FSHR: variants seen among roughly 807,000 people sequenced by gnomAD.
FSHR encodes follicle-stimulating hormone receptor.
FSHR carries 46 observed loss-of-function variants against 52.1 expected under a neutral mutation model. The ratio of observed to expected loss-of-function variants is 0.88; its 90% CI spans 0.70 to 1.13. The LOEUF (loss-of-function observed/expected upper bound fraction) is 1.13. Ranked by LOEUF, FSHR falls within the 50% of genes most tolerant of loss-of-function variation. The pLI, the probability that FSHR is intolerant of heterozygous loss-of-function variation, is 0.00. For missense variants in FSHR, 964 were observed against 834.6 expected (o/e 1.16, Z -1.91); for synonymous variants, 399 against 309.6 (o/e 1.29, Z -3.03).
intron 4 of FSHR, among the ~76,000 whole-genome samples, chr2:48,991,700 T>C (rs910681362): frequency 6.6e-6 from 1 of 152,166 alleles, no homozygotes; most frequent in Non-Finnish European, 1.5e-5. Context: ...GCCAGAACAA[T>C]GGTGAGGGTT....
intron 2 of FSHR, among the ~76,000 whole-genome samples, chr2:49,049,450 A>T (rs1036590172): frequency 6.6e-6 from 1 of 152,160 alleles, no homozygotes; most frequent in South Asian, 2.1e-4. Context: ...TAGTTGCTCA[A>T]TGAGAGGTAC....
intron 4 of FSHR, among the ~76,000 whole-genome samples, chr2:48,996,838 G>A (rs945005009): frequency 1.3e-5 from 2 of 152,132 alleles, no homozygotes; most frequent in African/African-American, 4.8e-5. Flanking sequence ...ATTTTAGCAA[G>A]TAGATTAATT....
At chr2:49,106,820 T>G (rs973016618) in intron 1 of FSHR, among the ~76,000 whole-genome samples, 3 of 152,138 alleles carry the variant, frequency 2.0e-5, no homozygotes, top group Non-Finnish European at 2.9e-5. Context: ...AATGGTGGTC[T>G]GCGAGAAGGC....
At chr2:49,077,786 G>A (rs1243164833) in intron 1 of FSHR, among the ~76,000 whole-genome samples, 2 of 152,090 alleles carry the variant, frequency 1.3e-5, no homozygotes, top group Non-Finnish European at 2.9e-5. Context: ...AATCTCTAGG[G>A]CAGGGGCAAA....
rs184022422 is a variant in FSHR at position 49,129,891 on chromosome 2, T to G, written c.152+24375A>C. Among the ~76,000 whole-genome samples the G allele has an allele frequency of 2.6e-5, 4 of 152,310 alleles. No individual in the cohort carries two copies. In the East Asian group the frequency reaches 7.7e-4, roughly 29 times the overall value. On this transcript the variant is annotated intron_variant, in intron 1 of 9. Coordinates refer to ENST00000406846, the MANE Select transcript of FSHR (RefSeq NM_000145.4). ...TAAAACTTGATTATTTTAAAATGTT[T>G]GAGTTCAGGAAATTAGGACAATTTA...
intron 1 of FSHR, among the ~76,000 whole-genome samples, chr2:49,141,757 T>C (rs1011838973): frequency 2.0e-5 from 3 of 148,316 alleles, no homozygotes; most frequent in East Asian, 2.0e-4. Context: ...ATTTTACATA[T>C]GTAAGTGCTC....
intron 1 of FSHR, among the ~76,000 whole-genome samples, chr2:49,129,471 T>A (rs1256462408): frequency 6.6e-6 from 1 of 152,236 alleles, no homozygotes. Context: ...GGATGATAAG[T>A]GCTTCTCTGT....
At chr2:49,133,425 A>C (rs973116394) in intron 1 of FSHR, among the ~76,000 whole-genome samples, 1 of 152,232 alleles carries the variant, frequency 6.6e-6, no homozygotes, top group African/African-American at 2.4e-5. Context: ...AAGAGGACAC[A>C]AACAAATGGA....
intron 2 of FSHR, among the ~76,000 whole-genome samples, chr2:49,058,632 A>G (rs1041905868): frequency 6.6e-6 from 1 of 152,154 alleles, no homozygotes; most frequent in Non-Finnish European, 1.5e-5. Context: ...ACCAACAAAA[A>G]TCAGTAGCAT....
At chr2:49,019,322 T>C (rs2104217289) in intron 3 of FSHR, among the ~76,000 whole-genome samples, 1 of 152,352 alleles carries the variant, frequency 6.6e-6, no homozygotes, top group South Asian at 2.1e-4. Flanking sequence ...CCTGAGTTTT[T>C]AGTGATACAC....
At chr2:48,996,197 T>C (rs936604196) in intron 4 of FSHR, among the ~76,000 whole-genome samples, 6 of 152,172 alleles carry the variant, frequency 3.9e-5, no homozygotes, top group African/African-American at 1.4e-4. Context: ...AATTACATTT[T>C]TAAAGTCTCT....
At chr2:49,095,481 T>C (rs1031901122) in intron 1 of FSHR, among the ~76,000 whole-genome samples, 3 of 152,186 alleles carry the variant, frequency 2.0e-5, no homozygotes, top group African/African-American at 7.2e-5. Flanking sequence ...TAACTCGAAA[T>C]TGATTAAAGA....
At chr2:49,127,616 C>T (rs1325431902) in intron 1 of FSHR, among the ~76,000 whole-genome samples, 1 of 151,934 alleles carries the variant, frequency 6.6e-6, no homozygotes, top group Non-Finnish European at 1.5e-5. Flanking sequence ...CTGACATCCG[C>T]ACGATGAAGC....
chr2:49,085,002 A>G (rs927465490), intron 1 of FSHR, among the ~76,000 whole-genome samples: 19 of 152,304 alleles, frequency 1.2e-4, no homozygotes, highest in African/African-American at 4.6e-4. Flanking sequence ...TTATGAGGCC[A>G]GCATCATCCT....
intron 2 of FSHR, among the ~76,000 whole-genome samples, chr2:49,021,886 T>TATATACATATATATATAGAGAG: frequency 4.0e-5 from 1 of 25,124 alleles, no homozygotes; most frequent in Non-Finnish European, 7.3e-5. Context: ...TATATATATA[T>TATATACATATATATATAGAGAG]AGAGAGAGAG....
At chr2:49,052,351 G>A (rs938779778) in intron 2 of FSHR, among the ~76,000 whole-genome samples, 1 of 151,828 alleles carries the variant, frequency 6.6e-6, no homozygotes, top group African/African-American at 2.4e-5. Context: ...GCTACAACAT[G>A]TAGATGATAC....
At chr2:49,100,887 G>C (rs976230) in intron 1 of FSHR, among the ~76,000 whole-genome samples, 71,482 of 151,976 alleles carry the variant, frequency 0.47, 17,181 homozygotes, top group African/African-American at 0.56. Flanking sequence ...GAAAACCAGG[G>C]AAGGAGATTG....
rs568114761 is a variant in FSHR at position 49,126,606 on chromosome 2, T to C, written c.152+27660A>G. Among the ~76,000 whole-genome samples the C allele has an allele frequency of 1.1e-3, 163 of 152,310 alleles. 1 individual carries two copies. Among genetic ancestry groups the C allele is most frequent in the Non-Finnish European group, 2.1e-3 (140 of 68,026 alleles). ...TCAAATGGTTGAATGACCTCAGTTATAGTAATTTTCAGGGCTCAAGTTTTC... is the reference window on the plus strand; with the variant it reads ...TCAAATGGTTGAATGACCTCAGTTACAGTAATTTTCAGGGCTCAAGTTTTC... On this transcript the variant is annotated intron_variant, in intron 1 of 9. Transcript: ENST00000406846.
At chr2:49,063,480 A>G (rs915654506) in intron 2 of FSHR, among the ~76,000 whole-genome samples, 6 of 152,118 alleles carry the variant, frequency 3.9e-5, no homozygotes, top group Non-Finnish European at 7.4e-5. Flanking sequence ...ATGGAATACT[A>G]TTTAGTGATG....
Sources: allele counts gnomAD v4.1 joint callset (sites outside exome capture counted in the v4.1 genomes callset), GRCh38; gene constraint gnomAD v4.1.1; transcripts MANE v1.5; gene names NCBI Gene and HGNC (gene_info 2026-07-23, HGNC 2026-07-21).